The following CDIN1 variants were observed in gnomAD, a reference collection of about 807,000 sequenced individuals.
The protein encoded by CDIN1 is CDAN1 interacting nuclease 1, also known as CDAN1-interacting nuclease 1.
Under a neutral mutation model 45.3 loss-of-function variants are expected in CDIN1, and 33 were observed. The observed-to-expected ratio is 0.73, with a 90% CI of 0.55 to 0.97. CDIN1 has a LOEUF of 0.97. Among genes scored for constraint, CDIN1 ranks in the 50% least tolerant of loss-of-function variants. The probability of loss-of-function intolerance (pLI) is 0.00; values close to 1 mark genes in which losing one functional copy is unlikely to be tolerated. For missense variants in CDIN1, 303 were observed against 339.4 expected (o/e 0.89, Z 0.84); for synonymous variants, 118 against 124.4 (o/e 0.95, Z 0.34).
At chr15:36,734,399 A>AT (rs5811933) in intron 10 of CDIN1, 153,893 of 385,848 alleles carry the variant, frequency 0.4, 23,550 homozygotes, top group East Asian at 0.59. Context: ...AACTTTTATA[A>AT]TTTTTTTTTT....
chr15:36,738,269 A>T (rs4335735), intron 10 of CDIN1, among the ~76,000 whole-genome samples: 24,314 of 152,082 alleles, frequency 0.16, 2,349 homozygotes, highest in Admixed American at 0.28. Flanking sequence ...CTGCTTGAAT[A>T]TATGGCAGAT....
rs369683868 is a variant in CDIN1 at position 36,691,402 on chromosome 15, C to T, written c.347-283C>T. ...TTTTTTTTACCCCAAATGGGCTTTT[C>T]GGAAGCTTATTTATCTACAAAAGAG... On this transcript the variant is annotated intron_variant, in intron 5 of 10. Transcript: ENST00000566621. 205 of 313,570 alleles carry T rather than the reference C, an allele frequency of 6.5e-4. 1 individual carries two copies. The highest frequency in any genetic ancestry group is 3.7e-3 in the African/African-American group (165 of 45,118). The allele number at this position is 313,570 out of a possible 1,614,324, so 19.4% of individuals were successfully genotyped here.
At chr15:36,692,294 T>C (rs911486434) in intron 7 of CDIN1, 119 bp downstream of exon 7, 2 of 916,042 alleles carry the variant, frequency 2.2e-6, no homozygotes, top group African/African-American at 1.7e-5. Context: ...TACTCTTCTA[T>C]TTTACATTCA....
At chr15:36,794,792 A>C (rs771418077) in intron 10 of CDIN1, among the ~76,000 whole-genome samples, 1 of 152,254 alleles carries the variant, frequency 6.6e-6, no homozygotes, top group Non-Finnish European at 1.5e-5. Flanking sequence ...CAAGATTTCA[A>C]AATGCTCCTA....
At chr15:36,619,489 A>G (rs1342441741) in intron 1 of CDIN1, among the ~76,000 whole-genome samples, 5 of 151,776 alleles carry the variant, frequency 3.3e-5, no homozygotes, top group African/African-American at 9.7e-5. Flanking sequence ...CTATCTATCT[A>G]TCTATCTATC....
chr15:36,618,761 CAA>C (rs34933565), intron 1 of CDIN1: 105,954 of 568,584 alleles, frequency 0.19, 2,707 homozygotes, highest in African/African-American at 0.26. Context: ...ACAACTCAGC[CAA>C]AAAAAAAAAA....
intron 5 of CDIN1, among the ~76,000 whole-genome samples, chr15:36,671,117 A>G (rs1230432539): frequency 1.3e-5 from 2 of 152,124 alleles, no homozygotes; most frequent in Admixed American, 6.5e-5. Context: ...TGAAAGAGGG[A>G]ACATTAATGT....
At chr15:36,692,615 G>A (rs1366249273) in intron 7 of CDIN1, among the ~76,000 whole-genome samples, 1 of 152,140 alleles carries the variant, frequency 6.6e-6, no homozygotes, top group Non-Finnish European at 1.5e-5. Flanking sequence ...TGCTTCCAGA[G>A]ACATCACATT....
chr15:36,602,789 T>C (rs1339037548), intron 1 of CDIN1, among the ~76,000 whole-genome samples: 1 of 152,082 alleles, frequency 6.6e-6, no homozygotes, highest in Non-Finnish European at 1.5e-5. Context: ...CCATCCTAGC[T>C]AACACGGTGA....
chr15:36,589,128 T>C (rs1222350830), intron 1 of CDIN1, among the ~76,000 whole-genome samples: 4 of 152,232 alleles, frequency 2.6e-5, no homozygotes, highest in Admixed American at 1.3e-4. Flanking sequence ...AATATTTTAT[T>C]ATTTAACTTT....
At chr15:36,660,961 C>G (rs2140482960) in intron 5 of CDIN1, among the ~76,000 whole-genome samples, 1 of 152,310 alleles carries the variant, frequency 6.6e-6, no homozygotes, top group East Asian at 1.9e-4. Context: ...GCCATTTTCT[C>G]TTCCTCATGA....
intron 10 of CDIN1, among the ~76,000 whole-genome samples, chr15:36,720,257 T>TTTA: frequency 1.1e-4 from 1 of 9,222 alleles, no homozygotes; most frequent in Non-Finnish European, 1.7e-4. Context: ...TTATTTATTA[T>TTTA]TTATTTATTT....
intron 1 of CDIN1, among the ~76,000 whole-genome samples, chr15:36,625,462 T>C (rs1200320326): frequency 6.6e-6 from 1 of 152,232 alleles, no homozygotes; most frequent in Non-Finnish European, 1.5e-5. Context: ...CAGGATTTCA[T>C]ACATTGAAGA....
At chr15:36,674,759 G>A (rs542283943) in intron 5 of CDIN1, among the ~76,000 whole-genome samples, 3 of 152,106 alleles carry the variant, frequency 2.0e-5, no homozygotes, top group East Asian at 3.9e-4. Context: ...ATGTCTCTTG[G>A]CTTCATAAAG....
intron 10 of CDIN1, among the ~76,000 whole-genome samples, chr15:36,800,873 G>C (rs1975711): frequency 1.4e-5 from 1 of 71,314 alleles, no homozygotes; most frequent in Non-Finnish European, 3.0e-5. Flanking sequence ...GTGTGTGTGT[G>C]TATATATGTG....
intron 1 of CDIN1, among the ~76,000 whole-genome samples, chr15:36,630,564 GC>G (rs2039637494): frequency 6.6e-6 from 1 of 152,142 alleles, no homozygotes; most frequent in Admixed American, 6.5e-5. Flanking sequence ...AACTGTTGAT[GC>G]CACCCTCCCT....
chr15:36,692,489 C>T (rs1383238543), intron 7 of CDIN1, among the ~76,000 whole-genome samples: 1 of 152,138 alleles, frequency 6.6e-6, no homozygotes, highest in African/African-American at 2.4e-5. Flanking sequence ...TGTATCTACC[C>T]ATCCCAGTAA....
chr15:36,690,080 C>G (rs2042188739), intron 5 of CDIN1, among the ~76,000 whole-genome samples: 1 of 152,134 alleles, frequency 6.6e-6, no homozygotes, highest in Non-Finnish European at 1.5e-5. Flanking sequence ...ATGACCTTTT[C>G]ACTTGCAGTG....
intron 10 of CDIN1, among the ~76,000 whole-genome samples, chr15:36,731,545 A>G (rs997465892): frequency 6.6e-6 from 1 of 152,128 alleles, no homozygotes; most frequent in African/African-American, 2.4e-5. Context: ...TGTAACACAA[A>G]TACCATGGAG....
Sources: gnomAD v4.1 joint callset for allele counts (sites outside exome capture counted in the v4.1 genomes callset) on GRCh38, gnomAD v4.1.1 for gene constraint, MANE v1.5 for transcripts, NCBI Gene and HGNC (gene_info 2026-07-23, HGNC 2026-07-21) for gene names.